Variants in DKK3 observed in about 807,000 individuals in gnomAD.
The protein encoded by DKK3 is dickkopf Wnt signaling pathway inhibitor 3, also known as dickkopf-related protein 3.
In DKK3, 22 loss-of-function variants were observed where a neutral mutation model predicts 33.2. The observed-to-expected ratio is 0.66, with a 90% CI of 0.47 to 0.95. The LOEUF is 0.95. Among genes scored for constraint, DKK3 ranks in the 40% least tolerant of loss-of-function variants. DKK3 has a pLI of 0.00. For synonymous variants in DKK3, 194 were observed against 188.8 expected, an observed-to-expected ratio of 1.03 and a Z score of -0.23; for missense variants, 398 against 458.4, an observed-to-expected ratio of 0.87 and a Z score of 1.20.
intron 3 of DKK3, among the ~76,000 whole-genome samples, chr11:11,997,543 GACATTGTT>G (rs1848323112): frequency 6.6e-6 from 1 of 152,146 alleles, no homozygotes; most frequent in Non-Finnish European, 1.5e-5. Context: ...AGAGATGATG[GACATTGTT>G]ACCTCACTTG....
At chr11:11,978,408 C>T (rs1466599618) in intron 3 of DKK3, among the ~76,000 whole-genome samples, 1 of 148,576 alleles carries the variant, frequency 6.7e-6, no homozygotes, top group Non-Finnish European at 1.5e-5. Flanking sequence ...CTTCCTCTTC[C>T]TCTTCTTCTT....
chr11:11,966,055 AC>A, intron 5 of DKK3, 90 bp from the exon 6 acceptor site: 2 of 1,425,722 alleles, frequency 1.4e-6, no homozygotes, highest in Non-Finnish European at 1.9e-6. Flanking sequence ...ATAACCTCCC[AC>A]CTCCCACCCT....
At chr11:11,971,248 T>C (rs1847719733) in intron 3 of DKK3, among the ~76,000 whole-genome samples, 1 of 152,194 alleles carries the variant, frequency 6.6e-6, no homozygotes, top group Non-Finnish European at 1.5e-5. Flanking sequence ...CTGATTATTG[T>C]ACAGTCATTT....
chr11:11,998,581 T>C (rs1564922989), intron 3 of DKK3, 115 bp downstream of exon 3: 1 of 880,120 alleles, frequency 1.1e-6, no homozygotes, highest in Non-Finnish European at 1.9e-6. Context: ...TAGAAATGAG[T>C]CAGGAGACTC....
chr11:11,968,544 A>G lies in DKK3; in HGVS notation c.436-57T>C. ...ATGGAGAGCAGAGCAGCAGGCCCAC[A>G]GTGCCCAGGAAGGGCCAGGCCCGCT... On this transcript the variant is annotated intron_variant, in intron 3 of 6. Transcript: ENST00000683431. The G allele has an allele frequency of 1.9e-6, 3 of 1,546,994 alleles. No homozygotes were observed. The South Asian group carries it at 3.5e-5, about 18-fold the overall frequency.
rs1376165401 is a variant in DKK3, at chr11:11,964,533, C to T, written c.984G>A (p.Leu328=). Residue 328 remains leucine, a synonymous_variant, in exon 7 of 7, where the codon CTG becomes CTA. Coordinates refer to ENST00000683431, the MANE Select transcript of DKK3 (RefSeq NM_001018057.2). ...RQELEDLERS[L]TEEMALREPA... The stretch of plus-strand genomic sequence containing the variant: ...GCTCCCTCAGCGCCATCTCTTCAGT[C>T]AGGCTCCTCTCCAGGTCCTCCAGCT... 2.5e-6 allele frequency: 4 copies of T among 1,613,986 alleles called. No individual in the cohort carries two copies. In the African/African-American group the frequency reaches 4.0e-5, roughly 16 times the overall value.
At chr11:11,996,660 T>C (rs1848300044) in intron 3 of DKK3, among the ~76,000 whole-genome samples, 3 of 152,160 alleles carry the variant, frequency 2.0e-5, no homozygotes. Context: ...AGAAACCCAA[T>C]ATGCTCATAT....
Position 11,998,702 on chromosome 11 carries a change from CCTT to C in DKK3, c.426_428del (p.Arg143del), listed in dbSNP as rs1398876668. On this transcript the variant is annotated inframe_deletion, in exon 3 of 7. Transcript: ENST00000683431. ...AGGGGAAATGACAACTTACGTGGCT[CCTT>C]CTGCCTTCTTCGTCTCCCACAGATG... 2.5e-6 allele frequency: 4 copies of C among 1,613,958 alleles called. No homozygotes were observed. Among genetic ancestry groups the C allele is most frequent in the East Asian group, 2.2e-5 (1 of 44,878 alleles).
chr11:11,988,756 A>G (rs1590533372), intron 3 of DKK3, among the ~76,000 whole-genome samples: 2 of 152,308 alleles, frequency 1.3e-5, no homozygotes, highest in South Asian at 2.1e-4. Flanking sequence ...AGGAAATCAC[A>G]TCTCTGGATC....
At chr11:11,985,834 C>A (rs1848058965) in intron 3 of DKK3, among the ~76,000 whole-genome samples, 1 of 152,214 alleles carries the variant, frequency 6.6e-6, no homozygotes, top group African/African-American at 2.4e-5. Flanking sequence ...CCTTCCAAAT[C>A]CCAGCAAAAC....
At chr11:11,972,570 T>C (rs1208163827) in intron 3 of DKK3, among the ~76,000 whole-genome samples, 2 of 152,204 alleles carry the variant, frequency 1.3e-5, no homozygotes, top group African/African-American at 4.8e-5. Flanking sequence ...CCGCTAGCAG[T>C]AGGGGCTGGC....
At chr11:11,993,334 T>C (rs1487881720) in intron 3 of DKK3, among the ~76,000 whole-genome samples, 3 of 152,090 alleles carry the variant, frequency 2.0e-5, no homozygotes, top group African/African-American at 4.8e-5. Context: ...ATACCATATA[T>C]GTATATTTTA....
chr11:11,985,221 G>C (rs765543576), intron 3 of DKK3, among the ~76,000 whole-genome samples: 22 of 152,156 alleles, frequency 1.4e-4, no homozygotes, highest in Non-Finnish European at 2.5e-4. Context: ...GCTGGGGCTA[G>C]GAGATTCCTT....
intron 3 of DKK3, among the ~76,000 whole-genome samples, chr11:11,976,913 C>G (rs1847846081): frequency 6.6e-6 from 1 of 152,194 alleles, no homozygotes; most frequent in African/African-American, 2.4e-5. Context: ...CGCCTCCAGT[C>G]TTTCCTGGAT....
chr11:11,998,681 G>GA lies in DKK3; in HGVS notation c.435+14dup, dbSNP rs751220029. The GA allele has an allele frequency of 3.7e-6, 6 of 1,610,594 alleles. No homozygotes were observed. Among genetic ancestry groups the GA allele is most frequent in the Non-Finnish European group, 5.1e-6 (6 of 1,176,798 alleles). On this transcript the variant is annotated intron_variant, in intron 3 of 6. Coordinates refer to ENST00000683431, the MANE Select transcript of DKK3 (RefSeq NM_001018057.2). ...AGTGTGTCGGGGTGCAAGTACAGGG[G>GA]AAATGACAACTTACGTGGCTCCTTC...
chr11:11,970,691 G>A (rs1245579594), intron 3 of DKK3, among the ~76,000 whole-genome samples: 2 of 152,228 alleles, frequency 1.3e-5, no homozygotes, highest in East Asian at 3.9e-4. Flanking sequence ...AGGGAATAGA[G>A]GAAGAGACAG....
chr11:11,979,332 C>T (rs149171836), intron 3 of DKK3, among the ~76,000 whole-genome samples: 47 of 152,322 alleles, frequency 3.1e-4, no homozygotes, highest in African/African-American at 9.4e-4. Flanking sequence ...GCAAACCCCG[C>T]GGGACCTACA....
chr11:11,965,455 C>T (rs776469436), intron 6 of DKK3, among the ~76,000 whole-genome samples: 21 of 152,210 alleles, frequency 1.4e-4, no homozygotes, highest in Non-Finnish European at 2.4e-4. Flanking sequence ...CTGGCCTCCC[C>T]GTGGCCTCTC....
chr11:11,968,740 T>C, intron 3 of DKK3: 1 of 408,414 alleles, frequency 2.4e-6, no homozygotes, highest in Non-Finnish European at 4.4e-6. Context: ...AATCGCCATC[T>C]GTGCACAGTT....
Sources: allele counts gnomAD v4.1 joint callset (sites outside exome capture counted in the v4.1 genomes callset), GRCh38; gene constraint gnomAD v4.1.1; transcripts MANE v1.5; gene names NCBI Gene and HGNC (gene_info 2026-07-23, HGNC 2026-07-21).